PRKG1: variants seen among roughly 807,000 people sequenced by gnomAD.
PRKG1 encodes cGMP-dependent protein kinase 1.
In PRKG1, 35 loss-of-function variants were observed where a neutral mutation model predicts 88.1. The ratio of observed to expected loss-of-function variants is 0.40; its 90% confidence interval spans 0.30 to 0.53. The LOEUF (loss-of-function observed/expected upper bound fraction) is 0.53. PRKG1 is among the 20% of genes least tolerant of loss of function. PRKG1 has a pLI of 0.59. For missense variants in PRKG1, 540 were observed against 839.8 expected, an observed-to-expected ratio of 0.64 and a Z score of 4.41; for synonymous variants, 303 against 292.5, an observed-to-expected ratio of 1.04 and a Z score of -0.37.
chr10:52,037,499 T>C (rs1845647625), intron 5 of PRKG1, among the ~76,000 whole-genome samples: 1 of 152,176 alleles, frequency 6.6e-6, no homozygotes, highest in African/African-American at 2.4e-5. Flanking sequence ...CCTTTTGACC[T>C]TTTAGGGTCT....
intron 3 of PRKG1, among the ~76,000 whole-genome samples, chr10:51,580,820 T>C (rs1479225600): frequency 2.6e-5 from 4 of 152,154 alleles, no homozygotes; most frequent in Non-Finnish European, 4.4e-5. Context: ...GAGAGATCTG[T>C]CAATTAGAGT....
chr10:51,064,578 G>T (rs535243307), intron 1 of PRKG1, among the ~76,000 whole-genome samples: 6 of 151,924 alleles, frequency 3.9e-5, no homozygotes, highest in Admixed American at 2.6e-4. Context: ...TTGTCTTTAG[G>T]TTTTTTTAAG....
At chr10:51,080,927 A>T (rs925594458) in intron 1 of PRKG1, among the ~76,000 whole-genome samples, 1 of 152,228 alleles carries the variant, frequency 6.6e-6, no homozygotes, top group African/African-American at 2.4e-5. Context: ...TTGTAAGAGC[A>T]GAGGAATTTT....
intron 1 of PRKG1, among the ~76,000 whole-genome samples, chr10:51,147,450 C>T (rs961455721): frequency 2.1e-5 from 3 of 146,234 alleles, no homozygotes; most frequent in African/African-American, 5.1e-5. Context: ...AAAAAAAAAA[C>T]GAAGGAAAAT....
chr10:51,807,792 T>C (rs767215799), intron 4 of PRKG1, among the ~76,000 whole-genome samples: 9 of 152,174 alleles, frequency 5.9e-5, no homozygotes, highest in Non-Finnish European at 1.2e-4. Flanking sequence ...TTTTAGGCTT[T>C]ATGGATGGCT....
intron 3 of PRKG1, among the ~76,000 whole-genome samples, chr10:51,662,601 C>A (rs1410162566): frequency 6.6e-6 from 1 of 152,032 alleles, no homozygotes; most frequent in Admixed American, 6.6e-5. Flanking sequence ...AGACTGTTTC[C>A]CAACTCACTT....
intron 2 of PRKG1, among the ~76,000 whole-genome samples, chr10:51,417,713 T>C (rs1838282780): frequency 6.6e-6 from 1 of 152,170 alleles, no homozygotes; most frequent in Non-Finnish European, 1.5e-5. Context: ...CCATTTTTGG[T>C]ATGTGATTGT....
At chr10:51,993,518 T>G (rs1480627851) in intron 5 of PRKG1, among the ~76,000 whole-genome samples, 1 of 152,196 alleles carries the variant, frequency 6.6e-6, no homozygotes, top group Non-Finnish European at 1.5e-5. Context: ...TTATACATTA[T>G]GAGATTGAGT....
intron 2 of PRKG1, among the ~76,000 whole-genome samples, chr10:51,272,201 C>A (rs973961219): frequency 2.0e-5 from 3 of 152,148 alleles, no homozygotes; most frequent in Non-Finnish European, 4.4e-5. Flanking sequence ...TGTTTGTTGG[C>A]TGCATAAATG....
intron 1 of PRKG1, among the ~76,000 whole-genome samples, chr10:50,999,068 C>G (rs1182492242): frequency 6.6e-6 from 1 of 152,042 alleles, no homozygotes; most frequent in African/African-American, 2.4e-5. Flanking sequence ...CCCATACTAC[C>G]TTAGAAAATT....
At chr10:51,904,252 T>C (rs1842040123) in intron 4 of PRKG1, among the ~76,000 whole-genome samples, 1 of 152,128 alleles carries the variant, frequency 6.6e-6, no homozygotes, top group Non-Finnish European at 1.5e-5. Flanking sequence ...TTTGCATAAC[T>C]GAAAATATTC....
In PRKG1 at chr10:52,106,749, AAG is replaced by A. The variant is rs1847436900; in HGVS notation, c.936-27090_936-27089del. 4.0e-5 allele frequency among the ~76,000 whole-genome samples: 6 copies of A among 148,180 alleles called. No homozygotes were observed. In the South Asian group the frequency reaches 1.1e-3, roughly 26 times the overall value. On this transcript the variant is annotated intron_variant, in intron 7 of 17. Coordinates refer to ENST00000373980, the MANE Select transcript of PRKG1 (RefSeq NM_006258.4). Reference sequence around the variant, plus strand: ...AATAATAATAATAATAATAATAATAAAGTAAATAAATAAAAATGTTGAGTTCT... The same window carrying A: ...AATAATAATAATAATAATAATAATAATAAATAAATAAAAATGTTGAGTTCT...
intron 1 of PRKG1, among the ~76,000 whole-genome samples, chr10:51,013,095 G>A (rs1006797014): frequency 6.6e-6 from 1 of 152,172 alleles, no homozygotes; most frequent in African/African-American, 2.4e-5. Context: ...CTCATCCGAA[G>A]GTAGTAAAGG....
At chr10:52,243,192 T>G (rs1235064899) in intron 9 of PRKG1, among the ~76,000 whole-genome samples, 2 of 152,154 alleles carry the variant, frequency 1.3e-5, no homozygotes, top group African/African-American at 2.4e-5. Context: ...AACACGTAAG[T>G]GCTTAGCTGT....
chr10:52,135,596 C>T (rs973974019), intron 8 of PRKG1, among the ~76,000 whole-genome samples: 7 of 151,944 alleles, frequency 4.6e-5, no homozygotes, highest in South Asian at 2.1e-4. Context: ...GAAGGTTTCA[C>T]GTCTTACTGA....
chr10:51,948,352 A>G (rs1312791121), intron 5 of PRKG1, among the ~76,000 whole-genome samples: 1 of 152,156 alleles, frequency 6.6e-6, no homozygotes, highest in Non-Finnish European at 1.5e-5. Context: ...CCTAAGTAGT[A>G]ATTTTGTCTA....
intron 5 of PRKG1, among the ~76,000 whole-genome samples, chr10:51,947,959 C>T (rs1843091527): frequency 6.6e-6 from 1 of 152,162 alleles, no homozygotes; most frequent in Non-Finnish European, 1.5e-5. Flanking sequence ...TGGACACCGT[C>T]ATTAATAAAT....
At chr10:51,174,507 T>C (rs1837139289) in intron 2 of PRKG1, among the ~76,000 whole-genome samples, 1 of 151,998 alleles carries the variant, frequency 6.6e-6, no homozygotes. Context: ...TGTTTGACAA[T>C]TGGCTTCGCA....
chr10:51,000,959 G>A (rs1842882883), intron 1 of PRKG1, among the ~76,000 whole-genome samples: 2 of 152,328 alleles, frequency 1.3e-5, no homozygotes, highest in Non-Finnish European at 2.9e-5. Context: ...CTTGCATGCT[G>A]TTTGTCAACT....
Sources: allele counts gnomAD v4.1 joint callset (sites outside exome capture counted in the v4.1 genomes callset), GRCh38; gene constraint gnomAD v4.1.1; transcripts MANE v1.5; gene names NCBI Gene and HGNC (gene_info 2026-07-23, HGNC 2026-07-21).